Variants in TGM3 observed in about 807,000 individuals in gnomAD.
The protein encoded by TGM3 is protein-glutamine gamma-glutamyltransferase E.
In TGM3, 52 loss-of-function variants were observed where a neutral mutation model predicts 73.8. The ratio of observed to expected loss-of-function variants is 0.70; its 90% CI spans 0.56 to 0.89. The LOEUF (loss-of-function observed/expected upper bound fraction) is 0.89, where lower values mean the gene tolerates loss of function less well. Among genes scored for constraint, TGM3 ranks in the 40% least tolerant of loss-of-function variants. The pLI is 0.00. For synonymous variants in TGM3, 372 were observed against 354.9 expected (o/e 1.05, Z -0.54); for missense variants, 928 against 909.9 (o/e 1.02, Z -0.26).
At chr20:2,311,173 CAAG>C in intron 4 of TGM3, 44 bp downstream of exon 4, 1 of 1,515,098 alleles carries the variant, frequency 6.6e-7, no homozygotes, top group African/African-American at 1.4e-5. Flanking sequence ...CCCTGTTACC[CAAG>C]AAGCTCAGCA....
intron 12 of TGM3, among the ~76,000 whole-genome samples, 196 bp from the exon 13 acceptor site, chr20:2,340,238 C>A (rs41306767): frequency 2.4e-4 from 36 of 151,676 alleles, no homozygotes; most frequent in African/African-American, 8.5e-4. Context: ...ATCATGGGAC[C>A]CCCCCCTCCT....
At position 2,317,107 on chromosome 20, in the gene TGM3, T is replaced by C; in HGVS notation, c.709T>C (p.Trp237Arg). The change falls in exon 6 of 13, where the codon TGG becomes CGG. Residue 237 changes from tryptophan (W) to arginine (R), a missense_variant. Coordinates refer to ENST00000381458, the MANE Select transcript of TGM3 (RefSeq NM_003245.4). ...NDDNGVLAGN[W>R]SGTYTGGRDP... ...TGACAATGGTGTGCTTGCTGGGAAT[T>C]GGAGCGGCACTTACACCGGTGGCCG... is the stretch of plus-strand genomic sequence containing the variant. The C allele has an allele frequency of 6.2e-7, 1 of 1,613,966 alleles. No individual in the cohort carries two copies. The highest frequency in any genetic ancestry group is 8.5e-7 in the Non-Finnish European group (1 of 1,180,002).
chr20:2,328,468 G>T lies in TGM3; in HGVS notation c.1333+103G>T. 1.4e-6 allele frequency: 2 copies of T among 1,472,290 alleles called. No individual in the cohort carries two copies. Among genetic ancestry groups the T allele is most frequent in the South Asian group, 2.6e-5 (2 of 77,020 alleles). 91.2% of individuals were successfully genotyped at this position (1,472,290 alleles called of 1,614,324 possible). A position where few individuals can be genotyped will look rare whatever the true frequency, so the allele number is the denominator to read the frequency against. ...AGTCCTCACCTCCCCCGCACTGGCAGCCAGTTCTGCCTGAATGATAGGATT... is the reference window on the plus strand; with the variant it reads ...AGTCCTCACCTCCCCCGCACTGGCATCCAGTTCTGCCTGAATGATAGGATT... On this transcript the variant is annotated intron_variant, in intron 9 of 12. Transcript: ENST00000381458. The surrounding 1 kb of genome is among the most constrained non-coding windows in gnomAD (Gnocchi z 5.2).
At chr20:2,298,935 T>C (rs2084126956) in intron 1 of TGM3, among the ~76,000 whole-genome samples, 2 of 152,076 alleles carry the variant, frequency 1.3e-5, no homozygotes, top group East Asian at 1.9e-4. Flanking sequence ...TTCTTCCACC[T>C]GGGACAGCGG....
In TGM3 at chr20:2,328,403, T is replaced by C; in HGVS notation, c.1333+38T>C. 1.9e-6 allele frequency: 3 copies of C among 1,610,622 alleles called. No individual in the cohort carries two copies. Among genetic ancestry groups the C allele is most frequent in the Non-Finnish European group, 2.5e-6 (3 of 1,177,792 alleles). On this transcript the variant is annotated intron_variant, in intron 9 of 12. Coordinates refer to ENST00000381458, the MANE Select transcript of TGM3 (RefSeq NM_003245.4). The surrounding 1 kb of genome is among the most constrained non-coding windows in gnomAD (Gnocchi z 5.2). ...CTGGCGGGGCAGTGCCGCGAGAGGT[T>C]CTATTGTGGGAGGATGGCTCTGAGG...
chr20:2,315,574 G>A (rs1354310047), intron 5 of TGM3, among the ~76,000 whole-genome samples: 1 of 152,220 alleles, frequency 6.6e-6, no homozygotes, highest in Non-Finnish European at 1.5e-5. Flanking sequence ...CATAGGCCTT[G>A]CCACTTACAG....
At chr20:2,329,172 T>C (rs1235860603) in intron 9 of TGM3, among the ~76,000 whole-genome samples, 1 of 152,190 alleles carries the variant, frequency 6.6e-6, no homozygotes, top group African/African-American at 2.4e-5. Context: ...TGCTTTGAAA[T>C]TGCTCATTCC....
Position 2,332,173 on chromosome 20 carries a change from T to G in TGM3, c.1505T>G (p.Val502Gly), listed in dbSNP as rs1426223539. ...GCAGTAGGCAAAGAAGTCAACCTGGTCCTACTGCTCAAAAACCTGAGCAGG... is the reference window on the plus strand; with the variant it reads ...GCAGTAGGCAAAGAAGTCAACCTGGGCCTACTGCTCAAAAACCTGAGCAGG... ...MLAVGKEVNL[V>G]LLLKNLSRDT... Residue 502 changes from valine to glycine, a missense_variant, in exon 10 of 13, where the codon GTC (valine) becomes GGC (glycine). Physicochemically the swap from Val to Gly is moderately radical, Grantham distance 109. Coordinates refer to ENST00000381458, the MANE Select transcript of TGM3 (RefSeq NM_003245.4). The surrounding 1 kb of genome is among the most constrained non-coding windows in gnomAD (Gnocchi z 4.4). 6.2e-7 allele frequency: 1 copy of G among 1,614,070 alleles called. No homozygotes were observed. Among genetic ancestry groups the G allele is most frequent in the South Asian group, 1.1e-5 (1 of 91,062 alleles).
At chr20:2,300,236 A>AAAG (rs1555793860) in intron 1 of TGM3, among the ~76,000 whole-genome samples, 26 of 147,902 alleles carry the variant, frequency 1.8e-4, no homozygotes, top group East Asian at 5.9e-4. Context: ...AAGAAAGAAA[A>AAAG]AAAGAAAGAA....
chr20:2,300,982 G>C (rs1320812526), intron 1 of TGM3, among the ~76,000 whole-genome samples: 2 of 152,064 alleles, frequency 1.3e-5, no homozygotes, highest in African/African-American at 4.8e-5. Context: ...CTACAGGTGA[G>C]AAAAGTACAA....
intron 9 of TGM3, 46 bp from the exon 10 acceptor site, chr20:2,331,956 T>A (rs1360289275): frequency 2.6e-6 from 4 of 1,558,870 alleles, no homozygotes; most frequent in Non-Finnish European, 3.5e-6. Flanking sequence ...TTTGCCCAGG[T>A]TGCCATCACA....
chr20:2,304,908 C>A, intron 1 of TGM3, among the ~76,000 whole-genome samples: 1 of 152,182 alleles, frequency 6.6e-6, no homozygotes, highest in East Asian at 1.9e-4. Context: ...CCCACCAGCC[C>A]ATTCTCAGGT....
At chr20:2,304,388 C>CA (rs2084167002) in intron 1 of TGM3, among the ~76,000 whole-genome samples, 1 of 152,170 alleles carries the variant, frequency 6.6e-6, no homozygotes, top group Non-Finnish European at 1.5e-5. Flanking sequence ...CTCAGGGATG[C>CA]GGGGCAGGCT....
chr20:2,323,016 T>C (rs1161634403), intron 7 of TGM3, among the ~76,000 whole-genome samples: 1 of 152,254 alleles, frequency 6.6e-6, no homozygotes, highest in Non-Finnish European at 1.5e-5. Context: ...AATTTTTTAA[T>C]GAACAGCTTT....
At chr20:2,297,711 G>T (rs1451488203) in intron 1 of TGM3, among the ~76,000 whole-genome samples, 1 of 152,178 alleles carries the variant, frequency 6.6e-6, no homozygotes, top group Non-Finnish European at 1.5e-5. Flanking sequence ...CCCACTTGCA[G>T]TTCCCAGCTC....
intron 7 of TGM3, among the ~76,000 whole-genome samples, chr20:2,323,845 T>C (rs2084273670): frequency 6.6e-6 from 1 of 152,246 alleles, no homozygotes; most frequent in Admixed American, 6.5e-5. Flanking sequence ...TTTTCATATG[T>C]TTGGTGGTTA....
chr20:2,331,050 A>C (rs908532020), intron 9 of TGM3, among the ~76,000 whole-genome samples: 6 of 151,904 alleles, frequency 3.9e-5, no homozygotes, highest in Non-Finnish European at 8.8e-5. Flanking sequence ...AAATAAAAAA[A>C]GAAAAGAAAG....
chr20:2,297,718 G>A (rs1336785492), intron 1 of TGM3, among the ~76,000 whole-genome samples: 1 of 152,160 alleles, frequency 6.6e-6, no homozygotes, highest in Non-Finnish European at 1.5e-5. Context: ...GCAGTTCCCA[G>A]CTCAGCTCCG....
At chr20:2,299,221 G>C (rs2084128610) in intron 1 of TGM3, among the ~76,000 whole-genome samples, 2 of 152,168 alleles carry the variant, frequency 1.3e-5, no homozygotes, top group Admixed American at 6.5e-5. Context: ...CGATTACCTG[G>C]AAATTTTTTC....
Sources: gnomAD v4.1 joint callset for allele counts (sites outside exome capture counted in the v4.1 genomes callset) on GRCh38, gnomAD v4.1.1 for gene constraint, Gnocchi (gnomAD v3.1) non-coding constraint, MANE v1.5 for transcripts, NCBI Gene and HGNC (gene_info 2026-07-23, HGNC 2026-07-21) for gene names.